FAF1: variants seen among roughly 807,000 people sequenced by gnomAD.
FAF1 encodes Fas associated factor 1.
FAF1 carries 25 observed loss-of-function variants against 92.5 expected under a neutral mutation model. That is an observed-to-expected ratio of 0.27 (90% CI 0.20 to 0.38). The LOEUF (loss-of-function observed/expected upper bound fraction) is 0.38, where lower values mean the gene tolerates loss of function less well. Ranked by LOEUF, FAF1 falls within the 10% of genes least tolerant of loss-of-function variation. The probability of loss-of-function intolerance (pLI) is 1.00; values close to 1 mark genes in which losing one functional copy is unlikely to be tolerated. For synonymous variants in FAF1, 234 were observed against 273.2 expected, an observed-to-expected ratio of 0.86 and a Z score of 1.42; for missense variants, 636 against 793.3, an observed-to-expected ratio of 0.80 and a Z score of 2.38.
intron 8 of FAF1, among the ~76,000 whole-genome samples, chr1:50,599,481 A>T (rs1391937302): frequency 6.6e-6 from 1 of 152,192 alleles, no homozygotes; most frequent in African/African-American, 2.4e-5. Context: ...GCACAAATTA[A>T]GGTAGTAACA....
chr1:50,870,211 C>G (rs1302170270), intron 1 of FAF1, among the ~76,000 whole-genome samples: 2 of 152,230 alleles, frequency 1.3e-5, no homozygotes, highest in African/African-American at 4.8e-5. Flanking sequence ...AATCCTAGCA[C>G]TTTGGGAGGC....
intron 8 of FAF1, among the ~76,000 whole-genome samples, chr1:50,601,573 T>C (rs116192128): frequency 0.016 from 2,475 of 152,116 alleles, 74 homozygotes; most frequent in African/African-American, 0.055. Context: ...TCTCAGGCAC[T>C]CGGGAGGCTG....
At chr1:50,625,978 A>C (rs1012230678) in intron 8 of FAF1, among the ~76,000 whole-genome samples, 1 of 152,216 alleles carries the variant, frequency 6.6e-6, no homozygotes, top group African/African-American at 2.4e-5. Flanking sequence ...TATGGTAAGA[A>C]TGGTGGAACT....
intron 1 of FAF1, among the ~76,000 whole-genome samples, chr1:50,897,706 A>T (rs767801066): frequency 6.6e-6 from 1 of 152,206 alleles, no homozygotes; most frequent in South Asian, 2.1e-4. Context: ...CCTTCCATGC[A>T]TCCATACCAT....
At chr1:50,869,135 T>C (rs1644506680) in intron 1 of FAF1, among the ~76,000 whole-genome samples, 2 of 152,190 alleles carry the variant, frequency 1.3e-5, no homozygotes, top group South Asian at 4.1e-4. Flanking sequence ...TTCTTTTATC[T>C]TTGGTAATAT....
chr1:50,932,447 G>A lies in FAF1; in HGVS notation c.45+27320C>T, dbSNP rs181484245. Among the ~76,000 whole-genome samples the A allele has an allele frequency of 6.6e-5, 10 of 152,364 alleles. No individual in the cohort carries two copies. The East Asian group carries it at 1.9e-3, about 29-fold the overall frequency. The stretch of plus-strand genomic sequence containing the variant: ...TTCAAGTGTGAAATCCAGCGGGGCA[G>A]TTAAATTTTAAAGCGCCAAAATGAT... On this transcript the variant is annotated intron_variant, in intron 1 of 18. Coordinates refer to ENST00000396153, the MANE Select transcript of FAF1 (RefSeq NM_007051.3).
chr1:50,954,905 A>T (rs149567575), intron 1 of FAF1, among the ~76,000 whole-genome samples: 2,962 of 152,274 alleles, frequency 0.019, 46 homozygotes, highest in Non-Finnish European at 0.026. Flanking sequence ...CCTACTCAGG[A>T]AGCTGAGGTG....
chr1:50,645,605 C>G (rs1408140807), intron 8 of FAF1, among the ~76,000 whole-genome samples: 4 of 152,136 alleles, frequency 2.6e-5, no homozygotes, highest in Admixed American at 1.3e-4. Flanking sequence ...CGGGGAGAAC[C>G]TGAGGTCAGG....
chr1:50,714,616 T>C (rs1331929271), intron 6 of FAF1, among the ~76,000 whole-genome samples: 2 of 152,136 alleles, frequency 1.3e-5, no homozygotes, highest in Non-Finnish European at 1.5e-5. Context: ...CCAGCTTTTG[T>C]GGGAACTGCC....
chr1:50,911,228 T>C (rs1644883149), intron 1 of FAF1, among the ~76,000 whole-genome samples: 1 of 151,264 alleles, frequency 6.6e-6, no homozygotes. Flanking sequence ...CACACCACCA[T>C]ACCCAGCTAA....
chr1:50,507,646 T>A (rs953119055), intron 15 of FAF1, among the ~76,000 whole-genome samples: 2 of 152,086 alleles, frequency 1.3e-5, no homozygotes, highest in Non-Finnish European at 2.9e-5. Flanking sequence ...AGCCCAGGAG[T>A]TCGAGGTTAC....
intron 7 of FAF1, among the ~76,000 whole-genome samples, chr1:50,703,852 A>T (rs1657569831): frequency 6.6e-6 from 1 of 152,208 alleles, no homozygotes; most frequent in African/African-American, 2.4e-5. Flanking sequence ...TAATTGATGT[A>T]GTCATTTTGA....
At chr1:50,820,480 CAT>C (rs1491253581) in intron 2 of FAF1, among the ~76,000 whole-genome samples, 1 of 152,094 alleles carries the variant, frequency 6.6e-6, no homozygotes, top group African/African-American at 2.4e-5. Flanking sequence ...CTTTTGTGTG[CAT>C]GTGTGTGTGT....
intron 4 of FAF1, among the ~76,000 whole-genome samples, chr1:50,751,690 T>C (rs1236781937): frequency 6.6e-6 from 1 of 152,234 alleles, no homozygotes; most frequent in Non-Finnish European, 1.5e-5. Flanking sequence ...CTATGATGTA[T>C]ACTATAAACG....
intron 18 of FAF1, among the ~76,000 whole-genome samples, chr1:50,468,366 C>T (rs1354525138): frequency 1.3e-5 from 2 of 151,960 alleles, no homozygotes; most frequent in Non-Finnish European, 2.9e-5. Flanking sequence ...GATCTTGGCT[C>T]ACTGCAACCT....
intron 1 of FAF1, among the ~76,000 whole-genome samples, chr1:50,941,896 A>T (rs1044937002): frequency 6.6e-6 from 1 of 152,216 alleles, no homozygotes; most frequent in Non-Finnish European, 1.5e-5. Flanking sequence ...ATGATTTTTA[A>T]TATTTTTTAA....
At chr1:50,631,211 A>G (rs935379693) in intron 8 of FAF1, among the ~76,000 whole-genome samples, 1 of 152,044 alleles carries the variant, frequency 6.6e-6, no homozygotes, top group African/African-American at 2.4e-5. Flanking sequence ...GTCCCTCCTT[A>G]TACACAGTTT....
At position 50,438,341 on chromosome 1, in the gene FAF1, T is replaced by C. The variant is rs987460370; in HGVS notation, c.*3099A>G. 3 of 152,228 alleles carry C rather than the reference T, an allele frequency of 2.0e-5. No homozygotes were observed. Among genetic ancestry groups the C allele is most frequent in the Non-Finnish European group, 2.9e-5 (2 of 68,054 alleles). 9.4% of individuals were successfully genotyped at this position (152,228 alleles called of 1,614,324 possible). On this transcript the variant is annotated 3_prime_UTR_variant, in exon 19 of 19. Coordinates refer to ENST00000396153, the MANE Select transcript of FAF1 (RefSeq NM_007051.3). ...CTAAGTGGCAGAAGAGAGGTTCAAC[T>C]TGGAAGACACTGAAGTCTCTGGAAT... is the stretch of plus-strand genomic sequence containing the variant.
At chr1:50,639,048 A>G (rs150974162) in intron 8 of FAF1, among the ~76,000 whole-genome samples, 1 of 152,160 alleles carries the variant, frequency 6.6e-6, no homozygotes, top group African/African-American at 2.4e-5. Context: ...TGGTTTTTCC[A>G]CATTTCATAA....
Sources: gnomAD v4.1 joint callset for allele counts (sites outside exome capture counted in the v4.1 genomes callset) on GRCh38, gnomAD v4.1.1 for gene constraint, MANE v1.5 for transcripts, NCBI Gene and HGNC (gene_info 2026-07-23, HGNC 2026-07-21) for gene names.